TBL1XR1: variants seen among roughly 807,000 people sequenced by gnomAD.
TBL1XR1 encodes TBL1X/Y related 1.
A neutral mutation model predicts 66.9 loss-of-function variants in TBL1XR1; 5 were observed. The observed-to-expected ratio is 0.07, with a 90% CI of 0.04 to 0.16. TBL1XR1 has a LOEUF of 0.16. Among genes scored for constraint, TBL1XR1 ranks in the 10% least tolerant of loss-of-function variants. The pLI, the probability that TBL1XR1 is intolerant of heterozygous loss-of-function variation, is 1.00. For missense variants in TBL1XR1, 238 were observed against 623.2 expected (o/e 0.38, Z 6.58); for synonymous variants, 210 against 206.0 (o/e 1.02, Z -0.17).
chr3:177,116,026 C>T (rs1726266966), intron 1 of TBL1XR1, among the ~76,000 whole-genome samples: 1 of 152,136 alleles, frequency 6.6e-6, no homozygotes, highest in African/African-American at 2.4e-5. Flanking sequence ...CTTCTTCCTG[C>T]TTAAATATGA....
chr3:177,077,154 C>CT (rs1220053360), intron 2 of TBL1XR1, among the ~76,000 whole-genome samples: 2 of 152,186 alleles, frequency 1.3e-5, no homozygotes, highest in Admixed American at 1.3e-4. Flanking sequence ...ACAAAGAACA[C>CT]TAACACACCT....
chr3:177,112,105 ATATTTTT>A (rs1276341040), intron 1 of TBL1XR1, among the ~76,000 whole-genome samples: 21 of 40,292 alleles, frequency 5.2e-4, no homozygotes, highest in African/African-American at 2.8e-3. Flanking sequence ...ATATATATAT[ATATTTTT>A]TTTTTTTTTT....
chr3:177,193,723 T>C (rs140240797), intron 1 of TBL1XR1, among the ~76,000 whole-genome samples: 1 of 152,058 alleles, frequency 6.6e-6, no homozygotes, highest in Non-Finnish European at 1.5e-5. Flanking sequence ...CAACTATAGA[T>C]CATAAACTTG....
At chr3:177,135,009 G>T (rs1315200107) in intron 1 of TBL1XR1, among the ~76,000 whole-genome samples, 4 of 138,612 alleles carry the variant, frequency 2.9e-5, no homozygotes, top group Non-Finnish European at 6.2e-5. Context: ...ACGGCGTCTT[G>T]CTCTGTCACT....
intron 1 of TBL1XR1, among the ~76,000 whole-genome samples, chr3:177,146,609 T>TAAAAAAAAAAAAAAAAAAA (rs1730289418): frequency 2.1e-5 from 1 of 46,852 alleles, no homozygotes. Context: ...AAAAAAAAAG[T>TAAAAAAAAAAAAAAAAAAA]TGTATTCACT....
chr3:177,101,888 T>C (rs775865585), intron 1 of TBL1XR1, among the ~76,000 whole-genome samples: 7 of 152,196 alleles, frequency 4.6e-5, no homozygotes, highest in Non-Finnish European at 7.3e-5. Flanking sequence ...ATGTACAATA[T>C]GTTCTACATG....
chr3:177,178,043 T>C (rs1247331780), intron 1 of TBL1XR1, among the ~76,000 whole-genome samples: 1 of 152,174 alleles, frequency 6.6e-6, no homozygotes. Flanking sequence ...ATCAGCTATA[T>C]AACAATCTCA....
At chr3:177,191,037 G>A (rs990706394) in intron 1 of TBL1XR1, among the ~76,000 whole-genome samples, 2 of 152,102 alleles carry the variant, frequency 1.3e-5, no homozygotes, top group African/African-American at 4.8e-5. Flanking sequence ...GCTATAAGAA[G>A]GACAAAGGGA....
chr3:177,189,664 A>AAAAAAAAAAAAAAAAAAAAAAAAAATTTC (rs57549428), intron 1 of TBL1XR1, among the ~76,000 whole-genome samples: 12 of 141,870 alleles, frequency 8.5e-5, no homozygotes, highest in African/African-American at 2.5e-4. Flanking sequence ...AAAAAAAAAA[A>AAAAAAAAAAAAAAAAAAAAAAAAAATTTC]AGAAGGATGT....
chr3:177,183,220 C>T (rs1250582376), intron 1 of TBL1XR1, among the ~76,000 whole-genome samples: 1 of 152,076 alleles, frequency 6.6e-6, no homozygotes, highest in Admixed American at 6.6e-5. Flanking sequence ...CTCCTTTGAA[C>T]GAGTATTTTC....
rs145853605 is a variant in TBL1XR1 at position 177,062,567 on chromosome 3, T to C, written c.58+2353A>G. On this transcript the variant is annotated intron_variant, in intron 3 of 15. Coordinates refer to ENST00000457928, the MANE Select transcript of TBL1XR1 (RefSeq NM_024665.7). ...ATCAGTTGAGTCTGATCTTTCCCTA[T>C]AAATCATAATGTAAACAGGAAGTTA... Among the ~76,000 whole-genome samples the C allele has an allele frequency of 1.2e-3, 176 of 152,316 alleles. 3 individuals are homozygous for C. Among genetic ancestry groups the C allele is most frequent in the African/African-American group, 3.9e-3 (164 of 41,562 alleles).
In TBL1XR1 at chr3:177,156,800, G is replaced by A. The variant is rs75477686; in HGVS notation, c.-122+40321C>T. On this transcript the variant is annotated intron_variant, in intron 1 of 15. Coordinates refer to ENST00000457928, the MANE Select transcript of TBL1XR1 (RefSeq NM_024665.7). ...ACTAGAATATAGCTCAAAGCTGGAAGCAACACAAATATCCATCAACTGGGA... is the reference window on the plus strand; with the variant it reads ...ACTAGAATATAGCTCAAAGCTGGAAACAACACAAATATCCATCAACTGGGA... Among the ~76,000 whole-genome samples, 166 of 152,162 alleles carry A rather than the reference G, an allele frequency of 1.1e-3. 1 individual carries two copies. In the East Asian group the frequency reaches 0.028, roughly 26 times the overall value.
chr3:177,019,983 C>CT lies in TBL1XR1; in HGVS notation c.*5514dup. 1.6e-5 allele frequency: 2 copies of CT among 122,664 alleles called. No individual in the cohort carries two copies. Among genetic ancestry groups the CT allele is most frequent in the African/African-American group, 5.9e-5 (2 of 33,680 alleles). The allele number at this position is 122,664 out of a possible 1,614,324, so 7.6% of individuals were successfully genotyped here. On this transcript the variant is annotated 3_prime_UTR_variant, in exon 16 of 16. Transcript: ENST00000457928. ...ATAGAAGACCTAGAGAGTGTAAATTCTTAAAAAAAAAAAAAAGAAAATATG... is the reference window on the plus strand; with the variant it reads ...ATAGAAGACCTAGAGAGTGTAAATTCTTTAAAAAAAAAAAAAAGAAAATATG...
chr3:177,034,386 T>G lies in TBL1XR1; in HGVS notation c.1123-61A>C. 3 of 1,213,948 alleles carry G rather than the reference T, an allele frequency of 2.5e-6. No individual in the cohort carries two copies. In the South Asian group the frequency reaches 5.4e-5, roughly 22 times the overall value. 75.2% of individuals were successfully genotyped at this position (1,213,948 alleles called of 1,614,324 possible). On this transcript the variant is annotated intron_variant, in intron 12 of 15. Coordinates refer to ENST00000457928, the MANE Select transcript of TBL1XR1 (RefSeq NM_024665.7). ...CCATACAATGAGTATATTTAAAATATTATTTTGACACTTAAAATATTATAT... is the reference window on the plus strand; with the variant it reads ...CCATACAATGAGTATATTTAAAATAGTATTTTGACACTTAAAATATTATAT...
At chr3:177,125,147 A>G (rs544634698) in intron 1 of TBL1XR1, among the ~76,000 whole-genome samples, 9 of 152,306 alleles carry the variant, frequency 5.9e-5, no homozygotes, top group African/African-American at 2.2e-4. Flanking sequence ...GAACAGGACA[A>G]AAGTTGTGTA....
intron 1 of TBL1XR1, among the ~76,000 whole-genome samples, chr3:177,106,470 T>C (rs1238870644): frequency 2.0e-5 from 3 of 152,168 alleles, no homozygotes; most frequent in Non-Finnish European, 4.4e-5. Context: ...AATTAGACTC[T>C]AGCAAAATAA....
At chr3:177,131,927 A>G (rs1728347251) in intron 1 of TBL1XR1, among the ~76,000 whole-genome samples, 1 of 151,530 alleles carries the variant, frequency 6.6e-6, no homozygotes, top group Admixed American at 6.6e-5. Context: ...AAAAAAAAGG[A>G]AACACAAAGC....
intron 1 of TBL1XR1, among the ~76,000 whole-genome samples, chr3:177,181,721 A>T (rs1213513340): frequency 6.6e-6 from 1 of 152,090 alleles, no homozygotes; most frequent in East Asian, 1.9e-4. Context: ...AGAGAAGGGC[A>T]GCAGTAGATG....
intron 15 of TBL1XR1, among the ~76,000 whole-genome samples, 187 bp from the exon 16 acceptor site, chr3:177,025,711 G>C (rs374837016): frequency 1.3e-5 from 2 of 152,152 alleles, no homozygotes; most frequent in South Asian, 2.1e-4. Flanking sequence ...CAGATCAAGA[G>C]AACAACCATG....
Sources: gnomAD v4.1 joint callset for allele counts (sites outside exome capture counted in the v4.1 genomes callset) on GRCh38, gnomAD v4.1.1 for gene constraint, MANE v1.5 for transcripts, NCBI Gene and HGNC (gene_info 2026-07-23, HGNC 2026-07-21) for gene names.